Variants in SP140 observed in about 807,000 individuals in gnomAD.
The protein encoded by SP140 is nuclear body protein SP140.
Under a neutral mutation model 125.0 loss-of-function variants are expected in SP140, and 81 were observed. The ratio of observed to expected loss-of-function variants is 0.65; its 90% CI spans 0.54 to 0.78. The LOEUF (loss-of-function observed/expected upper bound fraction) is 0.78, where lower values mean the gene tolerates loss of function less well. Among genes scored for constraint, SP140 ranks in the 30% least tolerant of loss-of-function variants. The probability of loss-of-function intolerance (pLI) is 0.00; values close to 1 mark genes in which losing one functional copy is unlikely to be tolerated. For synonymous variants in SP140, 312 were observed against 354.0 expected (o/e 0.88, Z 1.33); for missense variants, 858 against 1,037.0 (o/e 0.83, Z 2.37).
rs1435151791 is a variant in SP140, at chr2:230,260,577, C to A, written c.1240+5045C>A. Among the ~76,000 whole-genome samples the A allele has an allele frequency of 3.3e-5, 5 of 152,228 alleles. No individual in the cohort carries two copies. In the South Asian group the frequency reaches 8.3e-4, roughly 25 times the overall value. Reference sequence around the variant, plus strand: ...CTTCCAGAATTTTTATAGTTTCAGGCCTTAGATTTAAGTCCTTGATCCATC... The same window carrying A: ...CTTCCAGAATTTTTATAGTTTCAGGACTTAGATTTAAGTCCTTGATCCATC... On this transcript the variant is annotated intron_variant, in intron 12 of 26. Transcript: ENST00000392045.
intron 12 of SP140, 125 bp downstream of exon 12, chr2:230,255,657 C>T: frequency 1.2e-6 from 1 of 817,616 alleles, no homozygotes; most frequent in South Asian, 1.7e-5. Context: ...CTAATTAATC[C>T]TGAGATTTTT....
chr2:230,200,819 G>GT (rs2043103387), upstream of SP140: 1 of 1,218,164 alleles, frequency 8.2e-7, no homozygotes, highest in Non-Finnish European at 1.2e-6. Context: ...TTGCCTCAGT[G>GT]TAAGACAGCT....
intron 12 of SP140, among the ~76,000 whole-genome samples, chr2:230,264,921 G>A (rs1042805434): frequency 6.6e-6 from 1 of 152,140 alleles, no homozygotes; most frequent in Admixed American, 6.5e-5. Context: ...GTGGTTTAAT[G>A]TTCTATTTTT....
chr2:230,221,339 G>A (rs531250346), upstream of SP140, among the ~76,000 whole-genome samples: 1 of 150,904 alleles, frequency 6.6e-6, no homozygotes, highest in Admixed American at 6.6e-5. Context: ...ATTCTCAAAT[G>A]TATTTGACCC....
rs182858141 is a variant in SP140 at position 230,208,497 on chromosome 2, G to A, written c.-322-5157G>A. ...GTCTTAGAAGAGAAGGAGGGAACTC[G>A]GAGAGGAGGGAGACAGATGTAGTTA... On this transcript the variant is annotated intron_variant, in intron 1 of 4. Coordinates refer to the SP140 transcript ENST00000456542. 5.3e-5 allele frequency among the ~76,000 whole-genome samples: 8 copies of A among 152,320 alleles called. No homozygotes were observed. The South Asian group carries it at 8.3e-4, about 16-fold the overall frequency.
chr2:230,234,707 T>C (rs994332196), intron 1 of SP140, among the ~76,000 whole-genome samples: 5 of 152,218 alleles, frequency 3.3e-5, no homozygotes, highest in Admixed American at 1.3e-4. Flanking sequence ...CTTTATCTTA[T>C]AAAAATTTTC....
At chr2:230,303,705 C>A (rs1025222195) in intron 22 of SP140, among the ~76,000 whole-genome samples, 12 of 152,172 alleles carry the variant, frequency 7.9e-5, no homozygotes, top group Admixed American at 2.6e-4. Flanking sequence ...CAAAATCCAG[C>A]ACCTTTTATA....
chr2:230,298,409 C>A (rs1000319288), intron 22 of SP140, among the ~76,000 whole-genome samples: 6 of 152,170 alleles, frequency 3.9e-5, no homozygotes, highest in African/African-American at 1.2e-4. Context: ...ACCTCCAAAG[C>A]AGTCCTCCAA....
chr2:230,281,876 G>T (rs2055617707), intron 15 of SP140, among the ~76,000 whole-genome samples: 1 of 152,128 alleles, frequency 6.6e-6, no homozygotes, highest in East Asian at 1.9e-4. Flanking sequence ...TCTTGTAGGA[G>T]TCTTCCTGTT....
At chr2:230,251,831 G>A (rs2050411608) in intron 10 of SP140, among the ~76,000 whole-genome samples, 1 of 152,092 alleles carries the variant, frequency 6.6e-6, no homozygotes. Context: ...ATTTAGGCAG[G>A]GAAAGTGCTG....
At chr2:230,235,733 A>T (rs2149092588) in intron 1 of SP140, among the ~76,000 whole-genome samples, 1 of 152,318 alleles carries the variant, frequency 6.6e-6, no homozygotes, top group South Asian at 2.1e-4. Context: ...TGTGATTAAA[A>T]ATTAGTTTCC....
chr2:230,293,666 T>C (rs890538607), intron 20 of SP140, among the ~76,000 whole-genome samples: 1 of 152,038 alleles, frequency 6.6e-6, no homozygotes. Context: ...GCCACGGGGC[T>C]TTCCCCCTAG....
Position 230,311,170 on chromosome 2 carries a change from T to C in SP140, c.2300T>C (p.Leu767Pro), listed in dbSNP as rs778525187. The change falls in exon 25 of 27, where the codon CTC (leucine) becomes CCC (proline). Residue 767 changes from leucine (L) to proline (P), a missense_variant. Transcript: ENST00000392045. ...PEEQLKCEFLLLKVYCCSESS... is the reference protein window; with the variant it reads ...PEEQLKCEFLPLKVYCCSESS... Reference sequence around the variant, plus strand: ...CTTTTGCAGAAATGTGAGTTCCTCCTCTTGAAAGTCTATTGCTGTTCTGAG... The same window carrying C: ...CTTTTGCAGAAATGTGAGTTCCTCCCCTTGAAAGTCTATTGCTGTTCTGAG... 2 of 1,608,596 alleles carry C rather than the reference T, an allele frequency of 1.2e-6. No individual in the cohort carries two copies. The highest frequency in any genetic ancestry group is 3.4e-5 in the Admixed American group (2 of 58,046).
upstream of SP140, among the ~76,000 whole-genome samples, chr2:230,201,481 C>CA (rs920978095): frequency 1.7e-4 from 26 of 150,990 alleles, no homozygotes; most frequent in South Asian, 1.0e-3. Context: ...CTCACTGTAC[C>CA]AAAAAAAATA....
intron 23 of SP140, chr2:230,310,481 A>T: frequency 1.3e-6 from 1 of 770,030 alleles, no homozygotes; most frequent in Non-Finnish European, 2.0e-6. Context: ...CTGTGCTCCC[A>T]GCAGCTCAGA....
At chr2:230,299,774 A>G (rs1360329271) in intron 22 of SP140, among the ~76,000 whole-genome samples, 1 of 152,004 alleles carries the variant, frequency 6.6e-6, no homozygotes, top group Non-Finnish European at 1.5e-5. Flanking sequence ...GCTGTTGGGC[A>G]CCACAGCGGG....
upstream of SP140, among the ~76,000 whole-genome samples, chr2:230,199,132 T>C (rs1322536038): frequency 7.6e-6 from 1 of 131,574 alleles, no homozygotes; most frequent in Non-Finnish European, 1.5e-5. Flanking sequence ...TAGCTACTAT[T>C]ATTATTATTA....
chr2:230,229,243 T>G (rs903319422), intron 1 of SP140, among the ~76,000 whole-genome samples: 1 of 151,862 alleles, frequency 6.6e-6, no homozygotes, highest in Admixed American at 6.5e-5. Flanking sequence ...CAGGAGGGCT[T>G]CCAGTCATTC....
At chr2:230,222,695 C>CA (rs34703280), upstream of SP140, among the ~76,000 whole-genome samples, 2,489 of 124,090 alleles carry the variant, frequency 0.02, 49 homozygotes, top group African/African-American at 0.054. Flanking sequence ...GACCCTGTCT[C>CA]AAAAAAAAAA....
Sources: allele counts gnomAD v4.1 joint callset (sites outside exome capture counted in the v4.1 genomes callset), GRCh38; gene constraint gnomAD v4.1.1; transcripts MANE v1.5; gene names NCBI Gene and HGNC (gene_info 2026-07-23, HGNC 2026-07-21).